CARS2: variants seen among roughly 807,000 people sequenced by gnomAD.
The protein encoded by CARS2 is probable cysteine--tRNA ligase, mitochondrial.
Under a neutral mutation model 68.8 loss-of-function variants are expected in CARS2, and 52 were observed. That is an observed-to-expected ratio of 0.76 (90% CI 0.61 to 0.95). The LOEUF is 0.95. Among genes scored for constraint, CARS2 ranks in the 40% least tolerant of loss-of-function variants. CARS2 has a pLI of 0.00. For missense variants in CARS2, 780 were observed against 754.2 expected, an observed-to-expected ratio of 1.03 and a Z score of -0.40; for synonymous variants, 314 against 303.6, an observed-to-expected ratio of 1.03 and a Z score of -0.36.
chr13:110,647,765 G>GAAGGGAGGAGCAGTCC (rs1555343821), intron 10 of CARS2, among the ~76,000 whole-genome samples: 17 of 152,330 alleles, frequency 1.1e-4, no homozygotes, highest in Middle Eastern at 3.4e-3. Context: ...TGGATGAGGG[G>GAAGGGAGGAGCAGTCC]CCAGTGTTTC....
chr13:110,648,973 G>A (rs1215197219), intron 10 of CARS2: 1 of 152,232 alleles, frequency 6.6e-6, no homozygotes, highest in Non-Finnish European at 1.5e-5. Context: ...CCAGCCACGA[G>A]GGGAGCAAGC....
At chr13:110,669,816 G>A (rs2062752590) in intron 7 of CARS2, among the ~76,000 whole-genome samples, 1 of 152,178 alleles carries the variant, frequency 6.6e-6, no homozygotes, top group Non-Finnish European at 1.5e-5. Context: ...CTAGCCAAGG[G>A]AAGCTGTGAC....
Position 110,668,915 on chromosome 13 carries a change from G to A in CARS2, c.786-1442C>T, listed in dbSNP as rs2062725921. On this transcript the variant is annotated intron_variant, in intron 7 of 14. Coordinates refer to ENST00000257347, the MANE Select transcript of CARS2 (RefSeq NM_024537.4). The surrounding 1 kb of genome is among the most constrained non-coding windows in gnomAD (Gnocchi z 4.1). ...ACATTACATTTGAAACTCACTAAATGTTTTCTACCTGCTTTAGAGAAATTA... is the reference window on the plus strand; with the variant it reads ...ACATTACATTTGAAACTCACTAAATATTTTCTACCTGCTTTAGAGAAATTA... Among the ~76,000 whole-genome samples, 1 of 152,130 alleles carries A rather than the reference G, an allele frequency of 6.6e-6. No individual in the cohort carries two copies. Among genetic ancestry groups the A allele is most frequent in the Non-Finnish European group, 1.5e-5 (1 of 68,014 alleles).
chr13:110,655,687 C>G (rs912151815), intron 9 of CARS2, among the ~76,000 whole-genome samples: 27 of 152,298 alleles, frequency 1.8e-4, no homozygotes, highest in African/African-American at 6.5e-4. Flanking sequence ...ATTTTTCTAC[C>G]GTGTGGTTCT....
chr13:110,713,061 GC>G, intron 1 of CARS2: 1 of 1,459,486 alleles, frequency 6.9e-7, no homozygotes, highest in South Asian at 1.4e-5. Flanking sequence ...TTCCGCCCGT[GC>G]CCGGCCCTCC....
upstream of CARS2, among the ~76,000 whole-genome samples, chr13:110,710,091 C>G (rs2064014419): frequency 6.6e-6 from 1 of 152,098 alleles, no homozygotes; most frequent in Non-Finnish European, 1.5e-5. Flanking sequence ...TTAAACAATT[C>G]TATGCTTGGC....
At chr13:110,666,130 G>C (rs1331252997) in intron 8 of CARS2, 1 of 985,216 alleles carries the variant, frequency 1.0e-6, no homozygotes, top group Non-Finnish European at 1.2e-6. Context: ...GTCAAAAGTG[G>C]AGTGCAGGCC....
At position 110,641,641 on chromosome 13, in the gene CARS2, A is replaced by G. The variant is rs142245737; in HGVS notation, c.1624-33T>C. 31,358 of 1,540,804 alleles carry G rather than the reference A, an allele frequency of 0.02. 387 individuals carry two copies. Among genetic ancestry groups the G allele is most frequent in the Non-Finnish European group, 0.023 (25,231 of 1,114,260 alleles). The stretch of plus-strand genomic sequence containing the variant: ...AGAAGAGTGAGGTCCAACTCTGAGC[A>G]GACACCACGTCATGTGGCACAGGGG... On this transcript the variant is annotated intron_variant, in intron 14 of 14. Coordinates refer to ENST00000257347, the MANE Select transcript of CARS2 (RefSeq NM_024537.4).
In CARS2 at chr13:110,642,433, A is replaced by G. The variant is rs763717023; in HGVS notation, c.1505T>C (p.Leu502Pro). ...GTCCCCCGTGGCCTCGGGCATGGCCAGCGCAAACTGCCGGACCTTCTGCCG... is the reference window on the plus strand; with the variant it reads ...GTCCCCCGTGGCCTCGGGCATGGCCGGCGCAAACTGCCGGACCTTCTGCCG... ...RFRQKVRQFA[L>P]AMPEATGDAR... The change falls in exon 14 of 15, where the codon CTG becomes CCG. Residue 502 changes from leucine (L) to proline (P), a missense_variant. Transcript: ENST00000257347. 8.7e-6 allele frequency: 14 copies of G among 1,606,230 alleles called. No homozygotes were observed. The Admixed American group carries it at 2.2e-4, about 25-fold the overall frequency.
At chr13:110,709,364 G>A (rs192291896), upstream of CARS2, among the ~76,000 whole-genome samples, 8 of 152,206 alleles carry the variant, frequency 5.3e-5, no homozygotes, top group African/African-American at 1.2e-4. Context: ...AAAGTGCTGG[G>A]ATTACAGGCA....
chr13:110,644,424 CT>C lies in CARS2; in HGVS notation c.1376del (p.Gln459ArgfsTer59). The C allele has an allele frequency of 1.9e-6, 3 of 1,614,072 alleles. No individual in the cohort carries two copies. In the South Asian group the frequency reaches 3.3e-5, roughly 18 times the overall value. The stretch of plus-strand genomic sequence containing the variant: ...GAGAAATTCCAACAGTTTCAAAAAA[CT>C]GTTCAAAGTAAGAGATGATGGCACC... Reference protein sequence around the residue: ...VFGAIISYFEQFFETVGISLA... With the variant: ...VFGAIISYFEXFFETVGISLA... On this transcript the variant is annotated frameshift_variant, in exon 13 of 15. Transcript: ENST00000257347. LOFTEE classifies it high-confidence loss of function.
chr13:110,658,515 T>A (rs543695996), intron 9 of CARS2, among the ~76,000 whole-genome samples: 1 of 152,304 alleles, frequency 6.6e-6, no homozygotes, highest in East Asian at 1.9e-4. Flanking sequence ...GTTACGTGGT[T>A]TTTTTAACCA....
At chr13:110,644,135 GT>G in intron 13 of CARS2, 1 of 1,401,966 alleles carries the variant, frequency 7.1e-7, no homozygotes, top group Non-Finnish European at 9.4e-7. Flanking sequence ...GCGACATTCT[GT>G]TGCTGAGATG....
intron 10 of CARS2, chr13:110,650,727 A>T (rs2062184193): frequency 3.1e-6 from 1 of 325,424 alleles, no homozygotes; most frequent in Non-Finnish European, 5.6e-6. Context: ...GGCCCCTTCC[A>T]ATCTCCCAGT....
chr13:110,705,633 G>A lies in CARS2; in HGVS notation c.225-62C>T. 2 of 1,514,514 alleles carry A rather than the reference G, an allele frequency of 1.3e-6. No homozygotes were observed. The highest frequency in any genetic ancestry group is 1.8e-6 in the Non-Finnish European group (2 of 1,090,726). The allele number at this position is 1,514,514 out of a possible 1,614,324, so 93.8% of individuals were successfully genotyped here. ...TTTGCAAGAAAGGACATTCGATTCT[G>A]AGTTATAATGATCATATAATTTTTA... On this transcript the variant is annotated intron_variant, in intron 1 of 14. Transcript: ENST00000257347. The surrounding 1 kb of genome is among the most constrained non-coding windows in gnomAD (Gnocchi z 4.0).
At chr13:110,642,734 C>T (rs768431460) in intron 13 of CARS2, 12 of 754,610 alleles carry the variant, frequency 1.6e-5, no homozygotes, top group South Asian at 8.4e-5. Flanking sequence ...GAGCATCTGT[C>T]GTCCAAGCAA....
chr13:110,669,358 C>T (rs570362212), intron 7 of CARS2, among the ~76,000 whole-genome samples: 9 of 152,148 alleles, frequency 5.9e-5, no homozygotes, highest in African/African-American at 2.2e-4. Flanking sequence ...CCACCCAAAC[C>T]CCCTCTACAC....
chr13:110,694,596 C>CT (rs1381457450), intron 3 of CARS2, among the ~76,000 whole-genome samples: 1 of 152,010 alleles, frequency 6.6e-6, no homozygotes, highest in East Asian at 2.0e-4. Context: ...GAGATCCCAC[C>CT]ATTGCACTCC....
At position 110,705,215 on chromosome 13, in the gene CARS2, G is replaced by T. The variant is rs2063904682; in HGVS notation, c.275+306C>A. 6.6e-6 allele frequency among the ~76,000 whole-genome samples: 1 copy of T among 152,178 alleles called. No individual in the cohort carries two copies. Among genetic ancestry groups the T allele is most frequent in the African/African-American group, 2.4e-5 (1 of 41,446 alleles). ...GGTGGGGCCCAGGAATGACTGATCA[G>T]CAGGACCCCGGGACCCCGCAAAGGC... On this transcript the variant is annotated intron_variant, in intron 2 of 14. Coordinates refer to ENST00000257347, the MANE Select transcript of CARS2 (RefSeq NM_024537.4). This position sits in a 1 kb window ranked among gnomAD's most constrained non-coding sequence, Gnocchi z 4.0.
Sources: allele counts gnomAD v4.1 joint callset (sites outside exome capture counted in the v4.1 genomes callset), GRCh38; gene constraint gnomAD v4.1.1; non-coding constraint Gnocchi (gnomAD v3.1); transcripts MANE v1.5; gene names NCBI Gene and HGNC (gene_info 2026-07-23, HGNC 2026-07-21).